Variants in RIOX2 observed in about 807,000 individuals in gnomAD.
The protein encoded by RIOX2 is ribosomal oxygenase 2.
Under a neutral mutation model 51.2 loss-of-function variants are expected in RIOX2, and 43 were observed. That is an observed-to-expected ratio of 0.84 (90% confidence interval 0.66 to 1.08). RIOX2 has a LOEUF of 1.08. RIOX2 is among the 50% of genes least tolerant of loss of function. RIOX2 has a pLI of 0.00. For missense variants in RIOX2, 566 were observed against 561.7 expected (o/e 1.01, Z -0.08); for synonymous variants, 226 against 218.5 (o/e 1.03, Z -0.30).
Position 97,967,524 on chromosome 3 carries a change from A to G in RIOX2, c.70T>C (p.Leu24=), listed in dbSNP as rs759786970. 1 of 1,612,064 alleles carries G rather than the reference A, an allele frequency of 6.2e-7. No individual in the cohort carries two copies. The highest frequency in any genetic ancestry group is 1.7e-5 in the Admixed American group (1 of 59,992). Residue 24 remains leucine, a synonymous_variant, in exon 2 of 10, where the codon TTA becomes CTA. Transcript: ENST00000394198. ...EGPAPCKQMK[L]EAAGGPSALN... is the part of the protein sequence containing the mutation. The stretch of plus-strand genomic sequence containing the variant: ...GCTGAAGGCCCCCCAGCTGCTTCTA[A>G]CTTCATCTGCTTACAGGGAGCCGGC...
In RIOX2 at chr3:97,948,117, A is replaced by G. The variant is rs1248289945; in HGVS notation, c.1061-668T>C. The stretch of plus-strand genomic sequence containing the variant: ...AAAACACTGAAGTAGTCTGGGCCAT[A>G]AGCTGGTGCATAAGCAAACTGTTCT... On this transcript the variant is annotated intron_variant, in intron 7 of 9. Coordinates refer to ENST00000394198, the MANE Select transcript of RIOX2 (RefSeq NM_153182.4). Among the ~76,000 whole-genome samples, 4 of 152,190 alleles carry G rather than the reference A, an allele frequency of 2.6e-5. 1 individual carries two copies. Among genetic ancestry groups the G allele is most frequent in the African/African-American group, 9.6e-5 (4 of 41,458 alleles).
rs569239977 is a variant in RIOX2, at chr3:97,959,153, C to A, written c.579G>T (p.Glu193Asp). The A allele has an allele frequency of 1.3e-4, 206 of 1,613,986 alleles. 2 individuals are homozygous for A. The South Asian group carries it at 2.2e-3, about 17-fold the overall frequency. ...VEVFILQLEG[E>D]KHWRLYHPTV... ...TGGGGTGGTAGAGGCGCCAGTGTTT[C>A]TCTCCCTCCAGCTGCAGGATGAAAA... The change falls in exon 4 of 10, where the codon GAG (glutamate) becomes GAT (aspartate). Residue 193 changes from glutamate to aspartate, a missense_variant. By Grantham distance (45) the Glu-to-Asp change is conservative (BLOSUM62 2). Transcript: ENST00000394198.
chr3:97,971,097 A>T (rs951407022), intron 1 of RIOX2, among the ~76,000 whole-genome samples: 1 of 152,198 alleles, frequency 6.6e-6, no homozygotes, highest in Non-Finnish European at 1.5e-5. Context: ...AGAGGGGATT[A>T]TTTTTCTGAT....
At chr3:97,952,836 A>C (rs1166359420) in intron 5 of RIOX2, among the ~76,000 whole-genome samples, 1 of 152,114 alleles carries the variant, frequency 6.6e-6, no homozygotes, top group East Asian at 1.9e-4. Flanking sequence ...CAAGGAACCT[A>C]CCTAGCCAAA....
At chr3:97,951,319 C>T (rs889249014) in intron 5 of RIOX2, 6 of 166,282 alleles carry the variant, frequency 3.6e-5, no homozygotes, top group African/African-American at 1.4e-4. Flanking sequence ...TTTGGGGTAA[C>T]AGCAAGATAT....
chr3:97,969,159 A>G (rs2107202553), intron 1 of RIOX2, among the ~76,000 whole-genome samples: 1 of 152,354 alleles, frequency 6.6e-6, no homozygotes, highest in Non-Finnish European at 1.5e-5. Flanking sequence ...ATAAGGAAAC[A>G]CAGGACATGG....
chr3:97,945,717 A>G (rs1412655757), intron 9 of RIOX2, 81 bp downstream of exon 9: 40 of 1,080,406 alleles, frequency 3.7e-5, no homozygotes, highest in Non-Finnish European at 5.6e-5. Flanking sequence ...AAAGCATATT[A>G]CCTGTAAATC....
At chr3:97,947,226 T>C in intron 8 of RIOX2, 135 bp downstream of exon 8, 1 of 686,858 alleles carries the variant, frequency 1.5e-6, no homozygotes. Flanking sequence ...TCATCTGACC[T>C]GAAGAAATGG....
At chr3:97,959,749 T>G (rs1031871514) in intron 3 of RIOX2, among the ~76,000 whole-genome samples, 12 of 152,146 alleles carry the variant, frequency 7.9e-5, no homozygotes, top group African/African-American at 2.7e-4. Context: ...ATGTCATAAA[T>G]GCATCAAATA....
rs1171289561 is a variant in RIOX2, at chr3:97,943,575, G to A, written c.*1609C>T. ...TATTCCTGATCTCCAGCTGTGGTGA[G>A]CAAGTTTCCTGAAGTGTTTATTTTC... is the stretch of plus-strand genomic sequence containing the variant. On this transcript the variant is annotated 3_prime_UTR_variant, in exon 10 of 10. Transcript: ENST00000394198. 3 of 401,402 alleles carry A rather than the reference G, an allele frequency of 7.5e-6. No homozygotes were observed. Among genetic ancestry groups the A allele is most frequent in the African/African-American group, 6.4e-5 (3 of 46,584 alleles). 24.9% of individuals were successfully genotyped at this position (401,402 alleles called of 1,614,324 possible).
Position 97,954,478 on chromosome 3 carries a change from G to T in RIOX2, c.699C>A (p.Tyr233Ter). ...CTTGATGAATGGTTCCTCTGGGAAA[G>T]TACAACAAATCACCCGGCTAAAGGA... is the stretch of plus-strand genomic sequence containing the variant. ...EFMLKPGDLL[Y>*]FPRGTIHQAD... The change falls in exon 5 of 10, where the codon TAC becomes TAA. Residue 233 changes from tyrosine (Y) to a stop codon, truncating the protein, a stop_gained. Transcript: ENST00000394198. LOFTEE classifies it high-confidence loss of function. 1 of 1,614,052 alleles carries T rather than the reference G, an allele frequency of 6.2e-7. No homozygotes were observed. Among genetic ancestry groups the T allele is most frequent in the Non-Finnish European group, 8.5e-7 (1 of 1,179,942 alleles).
At position 97,943,450 on chromosome 3, in the gene RIOX2, CCT is replaced by C. The variant is rs1559752448; in HGVS notation, c.*1732_*1733del. 7 of 629,576 alleles carry C rather than the reference CCT, an allele frequency of 1.1e-5. No individual in the cohort carries two copies. The highest frequency in any genetic ancestry group is 1.7e-5 in the Non-Finnish European group (6 of 359,492). 39.0% of individuals were successfully genotyped at this position (629,576 alleles called of 1,614,324 possible). A position where few individuals can be genotyped will look rare whatever the true frequency, so the allele number is the denominator to read the frequency against. ...TGAGCAGAATGAACATTTTCTCCAGCCTCTGAGACTATCGCTCTTAACCATGG... is the reference window on the plus strand; with the variant it reads ...TGAGCAGAATGAACATTTTCTCCAGCCTGAGACTATCGCTCTTAACCATGG... On this transcript the variant is annotated 3_prime_UTR_variant, in exon 10 of 10. Transcript: ENST00000394198.
rs368758071 is a variant in RIOX2 at position 97,967,626 on chromosome 3, T to C, written c.-33A>G. The C allele has an allele frequency of 6.6e-7, 1 of 1,523,776 alleles. No individual in the cohort carries two copies. Among genetic ancestry groups the C allele is most frequent in the Non-Finnish European group, 8.7e-7 (1 of 1,144,220 alleles). The allele number at this position is 1,523,776 out of a possible 1,614,324, so 94.4% of individuals were successfully genotyped here. A position where few individuals can be genotyped will look rare whatever the true frequency, so the allele number is the denominator to read the frequency against. ...TCTTCAAGACAAAGCAGTAAGGAAA[T>C]GCAAACCTACCAAAAGAACAAAACA... On this transcript the variant is annotated 5_prime_UTR_variant, in exon 2 of 10. Transcript: ENST00000394198.
chr3:97,946,586 G>GTGTATATATA (rs143245408), intron 8 of RIOX2, among the ~76,000 whole-genome samples: 4 of 127,608 alleles, frequency 3.1e-5, no homozygotes, highest in African/African-American at 1.0e-4. Context: ...TTTTGAGGAT[G>GTGTATATATA]TATATATATA....
At chr3:97,949,523 A>G (rs1349707691) in intron 7 of RIOX2, among the ~76,000 whole-genome samples, 2 of 152,216 alleles carry the variant, frequency 1.3e-5, no homozygotes, top group African/African-American at 4.8e-5. Context: ...GATTATTTCA[A>G]TGTTCAAATT....
intron 1 of RIOX2, among the ~76,000 whole-genome samples, chr3:97,970,795 T>C (rs2107206769): frequency 6.6e-6 from 1 of 152,250 alleles, no homozygotes; most frequent in South Asian, 2.1e-4. Context: ...ATAAACCCTA[T>C]AAGAAAATCA....
Position 97,945,875 on chromosome 3 carries a change from C to A in RIOX2, c.1162G>T (p.Glu388Ter), listed in dbSNP as rs1343212954. 6.2e-7 allele frequency: 1 copy of A among 1,607,202 alleles called. No individual in the cohort carries two copies. Among genetic ancestry groups the A allele is most frequent in the Non-Finnish European group, 8.5e-7 (1 of 1,174,500 alleles). ...GAATGATAGATGTACACCATCTTTT[C>A]TTGAGCTTCATCCTTTGGGGAAAAA... ...PDQDQSDEAQ[E>*]KMVYIYHSLK... is the part of the protein sequence containing the mutation. Residue 388 changes from glutamate to a stop codon, truncating the protein, a stop_gained, in exon 9 of 10, where the codon GAA becomes TAA. Transcript: ENST00000394198. LOFTEE classifies it high-confidence loss of function.
chr3:97,961,791 T>C, intron 2 of RIOX2, 83 bp from the exon 3 acceptor site: 7 of 1,447,088 alleles, frequency 4.8e-6, no homozygotes, highest in Non-Finnish European at 5.5e-6. Flanking sequence ...ATGTTCTTGT[T>C]CACTTAGGAA....
rs2040240661 is a variant in RIOX2, at chr3:97,941,983, G to A, written c.*3201C>T. 1 of 207,998 alleles carries A rather than the reference G, an allele frequency of 4.8e-6. No homozygotes were observed. Among genetic ancestry groups the A allele is most frequent in the Admixed American group, 5.9e-5 (1 of 16,940 alleles). The allele number at this position is 207,998 out of a possible 1,614,324, so 12.9% of individuals were successfully genotyped here. On this transcript the variant is annotated 3_prime_UTR_variant, in exon 10 of 10. Coordinates refer to ENST00000394198, the MANE Select transcript of RIOX2 (RefSeq NM_153182.4). ...CAACATAATACGTTTTAAGCAAACA[G>A]GGATTTAACATTTAATTCCAATTCA...
Sources: allele counts gnomAD v4.1 joint callset (sites outside exome capture counted in the v4.1 genomes callset), GRCh38; gene constraint gnomAD v4.1.1; transcripts MANE v1.5; gene names NCBI Gene and HGNC (gene_info 2026-07-23, HGNC 2026-07-21).